PLAAT3: variants seen among roughly 807,000 people sequenced by gnomAD.
The protein encoded by PLAAT3 is Ca-independent phospholipase A1/2.
PLAAT3 carries 21 observed loss-of-function variants against 16.7 expected under a neutral mutation model. The observed-to-expected ratio is 1.26, with a 90% CI of 0.89 to 1.81. The LOEUF (loss-of-function observed/expected upper bound fraction) is 1.81. Ranked by LOEUF, PLAAT3 falls within the 40% of genes most tolerant of loss-of-function variation. The pLI, the probability that PLAAT3 is intolerant of heterozygous loss-of-function variation, is 0.00. For missense variants in PLAAT3, 219 were observed against 213.7 expected (o/e 1.02, Z -0.16); for synonymous variants, 76 against 81.7 (o/e 0.93, Z 0.38).
intron 4 of PLAAT3, among the ~76,000 whole-genome samples, chr11:63,577,858 T>A (rs1265096856): frequency 6.6e-6 from 1 of 150,614 alleles, no homozygotes; most frequent in Non-Finnish European, 1.5e-5. Flanking sequence ...AAACGGTTCA[T>A]AGAAAATAAA....
At chr11:63,586,087 T>G (rs537299641) in intron 4 of PLAAT3, among the ~76,000 whole-genome samples, 1 of 152,136 alleles carries the variant, frequency 6.6e-6, no homozygotes, top group East Asian at 1.9e-4. Context: ...CATGGTGATG[T>G]GCACCCATAG....
chr11:63,612,980 A>T (rs1176925551), intron 2 of PLAAT3, among the ~76,000 whole-genome samples: 3 of 152,250 alleles, frequency 2.0e-5, no homozygotes, highest in Non-Finnish European at 4.4e-5. Context: ...GGTGTCAAAC[A>T]AACATGCCAG....
At chr11:63,577,919 G>T (rs1381931846) in intron 4 of PLAAT3, among the ~76,000 whole-genome samples, 1 of 151,858 alleles carries the variant, frequency 6.6e-6, no homozygotes, top group East Asian at 1.9e-4. Flanking sequence ...GCTAAGTTAA[G>T]GAAATCTCTC....
chr11:63,615,170 GTGTATATGTGTGTA>G (rs1250766396), upstream of PLAAT3, among the ~76,000 whole-genome samples: 8 of 126,078 alleles, frequency 6.3e-5, no homozygotes, highest in African/African-American at 2.1e-4. Flanking sequence ...GTATATATGT[GTGTATATGTGTGTA>G]TATATATGTG....
At chr11:63,602,368 G>A (rs749761787) in intron 2 of PLAAT3, among the ~76,000 whole-genome samples, 5 of 151,844 alleles carry the variant, frequency 3.3e-5, no homozygotes, top group East Asian at 1.9e-4. Context: ...AGGACAGGGC[G>A]CTATGAAATG....
At position 63,606,425 on chromosome 11, in the gene PLAAT3, A is replaced by AACACACACACACACACACACACAC. The variant is rs34044017; in HGVS notation, c.15+7551_15+7574dup. Among the ~76,000 whole-genome samples, 236 of 140,192 alleles carry AACACACACACACACACACACACAC rather than the reference A, an allele frequency of 1.7e-3. 1 individual carries two copies. The highest frequency in any genetic ancestry group is 5.8e-3 in the African/African-American group (211 of 36,224). 92.0% of individuals were successfully genotyped at this position (140,192 alleles called of 152,430 possible). A position where few individuals can be genotyped will look rare whatever the true frequency, so the allele number is the denominator to read the frequency against. Reference sequence around the variant, plus strand: ...TGGCAAAACCCCGTCTCTACTATAAAACACACACACACACACACACACACA... The same window carrying AACACACACACACACACACACACAC: ...TGGCAAAACCCCGTCTCTACTATAAAACACACACACACACACACACACACACACACACACACACACACACACACA... On this transcript the variant is annotated intron_variant, in intron 2 of 4. Coordinates refer to ENST00000415826, the MANE Select transcript of PLAAT3 (RefSeq NM_001128203.2).
chr11:63,614,145 G>C (rs1938768735), intron 1 of PLAAT3, 77 bp from the exon 2 acceptor site: 2 of 1,281,982 alleles, frequency 1.6e-6, no homozygotes, highest in Non-Finnish European at 2.2e-6. Context: ...TGCGGCTTCT[G>C]TTGGGCAGGG....
chr11:63,586,067 A>T (rs1350784052), intron 4 of PLAAT3, among the ~76,000 whole-genome samples: 1 of 152,000 alleles, frequency 6.6e-6, no homozygotes, highest in Non-Finnish European at 1.5e-5. Flanking sequence ...AAATACAAAA[A>T]TCAGCCAGGC....
chr11:63,610,940 CTG>C (rs1938676639), intron 2 of PLAAT3, among the ~76,000 whole-genome samples: 2 of 152,028 alleles, frequency 1.3e-5, no homozygotes, highest in Admixed American at 1.3e-4. Flanking sequence ...GCTCAGGAAA[CTG>C]TGGACACACC....
At chr11:63,600,264 C>T (rs767164299) in intron 2 of PLAAT3, among the ~76,000 whole-genome samples, 18 of 152,058 alleles carry the variant, frequency 1.2e-4, no homozygotes, top group Non-Finnish European at 1.9e-4. Flanking sequence ...ATTACAGGCA[C>T]GTGCCATCGC....
chr11:63,596,651 T>C (rs1406693328), intron 3 of PLAAT3, among the ~76,000 whole-genome samples: 1 of 151,778 alleles, frequency 6.6e-6, no homozygotes, highest in Admixed American at 6.6e-5. Flanking sequence ...GTGATATGGT[T>C]TGGCTCTGTA....
At chr11:63,581,966 T>C (rs1389240383) in intron 4 of PLAAT3, among the ~76,000 whole-genome samples, 1 of 152,250 alleles carries the variant, frequency 6.6e-6, no homozygotes, top group Admixed American at 6.5e-5. Flanking sequence ...AGAATGTCAA[T>C]GCTTTGATTT....
intron 4 of PLAAT3, among the ~76,000 whole-genome samples, chr11:63,588,161 C>T (rs543906175): frequency 4.2e-4 from 63 of 150,848 alleles, no homozygotes; most frequent in Non-Finnish European, 7.8e-4. Context: ...CCTCTGCCTC[C>T]CGGATTCAAG....
chr11:63,592,418 C>T lies in PLAAT3; in HGVS notation c.119-2050G>A, dbSNP rs184069393. On this transcript the variant is annotated intron_variant, in intron 3 of 4. Transcript: ENST00000415826. ...AAGCCTGGTCCGAGCTCAAGCAATCCACCCACCTCGGCCTCCCAAAGTTCT... is the reference window on the plus strand; with the variant it reads ...AAGCCTGGTCCGAGCTCAAGCAATCTACCCACCTCGGCCTCCCAAAGTTCT... 2.6e-5 allele frequency among the ~76,000 whole-genome samples: 4 copies of T among 152,260 alleles called. No homozygotes were observed. The East Asian group carries it at 5.8e-4, about 22-fold the overall frequency.
chr11:63,580,078 A>C (rs934813540), intron 4 of PLAAT3, among the ~76,000 whole-genome samples: 4 of 152,146 alleles, frequency 2.6e-5, no homozygotes, highest in Admixed American at 6.5e-5. Context: ...ATGGTTCCCC[A>C]AAAACAGGGG....
chr11:63,587,516 G>A (rs1251413369), intron 4 of PLAAT3, among the ~76,000 whole-genome samples: 1 of 150,802 alleles, frequency 6.6e-6, no homozygotes, highest in Non-Finnish European at 1.5e-5. Flanking sequence ...ATATTTTCAG[G>A]CATGCAAGAT....
chr11:63,613,016 CTT>C (rs1565258534), intron 2 of PLAAT3, among the ~76,000 whole-genome samples: 1 of 152,190 alleles, frequency 6.6e-6, no homozygotes, highest in East Asian at 1.9e-4. Context: ...AGGCAAAACT[CTT>C]TATATGGACT....
chr11:63,595,292 G>GAAAAA lies in PLAAT3; in HGVS notation c.118+2764_118+2768dup, dbSNP rs59751911. Among the ~76,000 whole-genome samples, 8 of 88,460 alleles carry GAAAAA rather than the reference G, an allele frequency of 9.0e-5. 2 individuals are homozygous for GAAAAA. The highest frequency in any genetic ancestry group is 6.5e-5 in the Non-Finnish European group (3 of 45,968). The allele number at this position is 88,460 out of a possible 152,430, so 58.0% of individuals were successfully genotyped here. A position where few individuals can be genotyped will look rare whatever the true frequency, so the allele number is the denominator to read the frequency against. ...GGCCACAGAGCAAGACTCCGTCTCG[G>GAAAAA]AAAAAAAAAAAAAAAAAAAAGAGTG... On this transcript the variant is annotated intron_variant, in intron 3 of 4. Transcript: ENST00000415826.
At chr11:63,597,142 A>G (rs866638947) in intron 3 of PLAAT3, among the ~76,000 whole-genome samples, 3 of 151,896 alleles carry the variant, frequency 2.0e-5, no homozygotes, top group Admixed American at 6.6e-5. Context: ...CCACCATATA[A>G]GACCTGCCTT....
Sources: allele counts gnomAD v4.1 joint callset (sites outside exome capture counted in the v4.1 genomes callset), GRCh38; gene constraint gnomAD v4.1.1; transcripts MANE v1.5; gene names NCBI Gene and HGNC (gene_info 2026-07-23, HGNC 2026-07-21).